Variants in HM13 observed in about 807,000 individuals in gnomAD.
HM13 encodes the protein signal peptide peptidase.
Under a neutral mutation model 50.0 loss-of-function variants are expected in HM13, and 18 were observed. That is an observed-to-expected ratio of 0.36 (90% CI 0.25 to 0.53). The LOEUF is 0.53. Among genes scored for constraint, HM13 ranks in the 20% least tolerant of loss-of-function variants. HM13 has a pLI of 0.90. For missense variants in HM13, 393 were observed against 552.4 expected, an observed-to-expected ratio of 0.71 and a Z score of 2.89; for synonymous variants, 197 against 232.6, an observed-to-expected ratio of 0.85 and a Z score of 1.39.
At chr20:31,552,365 G>A (rs1984078576) in intron 7 of HM13, among the ~76,000 whole-genome samples, 2 of 152,180 alleles carry the variant, frequency 1.3e-5, no homozygotes, top group South Asian at 2.1e-4. Context: ...CTGAGTTCAG[G>A]GAAAAGAGGC....
At chr20:31,546,140 C>G (rs371673996) in intron 4 of HM13, among the ~76,000 whole-genome samples, 2 of 151,368 alleles carry the variant, frequency 1.3e-5, no homozygotes, top group African/African-American at 4.9e-5. Flanking sequence ...AGCTCCACCC[C>G]CTGGGTTCAC....
Position 31,561,733 on chromosome 20 carries a change from T to C in HM13, c.945T>C (p.Ala315=), listed in dbSNP as rs1260365152. The C allele has an allele frequency of 6.2e-7, 1 of 1,602,460 alleles. No individual in the cohort carries two copies. Among genetic ancestry groups the C allele is most frequent in the Non-Finnish European group, 8.6e-7 (1 of 1,169,334 alleles). ...TCATCATGCACATCTTCAAGCATGC[T>C]CAGGTGGGCAGGACGGTATCAGAGT... ...TIFIMHIFKH[A]QPALLYLVPA... Residue 315 remains alanine (A), a synonymous_variant, in exon 10 of 13, where the codon GCT becomes GCC. Coordinates refer to ENST00000398174, the MANE Select transcript of HM13 (RefSeq NM_178581.3).
chr20:31,564,868 AAAAG>A (rs1337350942), intron 10 of HM13, among the ~76,000 whole-genome samples: 1 of 149,120 alleles, frequency 6.7e-6, no homozygotes, highest in Non-Finnish European at 1.5e-5. Context: ...AAAAAAAAAG[AAAAG>A]AAAAGAAACT....
chr20:31,561,841 C>T, intron 10 of HM13, 105 bp downstream of exon 10: 1 of 782,574 alleles, frequency 1.3e-6, no homozygotes. Flanking sequence ...AGGCACTCCC[C>T]ACTGGTGTTG....
chr20:31,518,380 C>T (rs1375452392), intron 1 of HM13, among the ~76,000 whole-genome samples: 1 of 149,492 alleles, frequency 6.7e-6, no homozygotes, highest in Non-Finnish European at 1.5e-5. Flanking sequence ...CACAGTGGCT[C>T]ATGCCTGTAA....
chr20:31,557,703 C>CTTTTTTTTTTTTT (rs1180267680), intron 8 of HM13, among the ~76,000 whole-genome samples: 2 of 80,906 alleles, frequency 2.5e-5, no homozygotes, highest in African/African-American at 1.1e-4. Context: ...GGCAGTGCTT[C>CTTTTTTTTTTTTT]TTTTTTTTTT....
chr20:31,541,307 C>T (rs1983437542), intron 3 of HM13: 1 of 151,870 alleles, frequency 6.6e-6, no homozygotes, highest in African/African-American at 2.4e-5. Context: ...ATGTTGAGAC[C>T]CTGTCTCCAC....
At chr20:31,554,943 C>A in intron 8 of HM13, 114 bp downstream of exon 8, 3 of 919,312 alleles carry the variant, frequency 3.3e-6, no homozygotes, top group South Asian at 1.4e-5. Flanking sequence ...AAAGGTAAGG[C>A]TGGATCAGGC....
chr20:31,531,959 T>C (rs1417705624), intron 2 of HM13, among the ~76,000 whole-genome samples: 1 of 151,946 alleles, frequency 6.6e-6, no homozygotes, highest in Non-Finnish European at 1.5e-5. Flanking sequence ...ACCCTGACAA[T>C]AAAAGCAGAA....
At chr20:31,552,715 G>A (rs1984093214) in intron 7 of HM13, among the ~76,000 whole-genome samples, 1 of 152,154 alleles carries the variant, frequency 6.6e-6, no homozygotes, top group South Asian at 2.1e-4. Context: ...ACTGTAAAAT[G>A]GTGACAATAG....
At chr20:31,543,567 G>A (rs768026157) in intron 3 of HM13, among the ~76,000 whole-genome samples, 4 of 151,968 alleles carry the variant, frequency 2.6e-5, no homozygotes, top group Non-Finnish European at 4.4e-5. Flanking sequence ...GATTACAGGC[G>A]TGAGCCACTG....
chr20:31,538,345 A>G (rs368766161), intron 3 of HM13, 84 bp downstream of exon 3: 1 of 1,611,164 alleles, frequency 6.2e-7, no homozygotes, highest in Non-Finnish European at 8.5e-7. Flanking sequence ...GACTTTTGGC[A>G]TCATTCAGAG....
At position 31,549,286 on chromosome 20, in the gene HM13, C is replaced by G. The variant is rs774194026; in HGVS notation, c.620C>G (p.Thr207Ser). ...VELLHLNNVS[T>S]GCILLGGLFI... ...CTCCTGCACCTCAACAATGTCAGCA[C>G]TGGCTGCATCCTGCTGGGCGGACTC... The change falls in exon 6 of 13, where the codon ACT (threonine) becomes AGT (serine). Residue 207 changes from threonine (T) to serine (S), a missense_variant. By Grantham distance (58) the Thr-to-Ser change is moderately conservative (BLOSUM62 1). This residue lies in a region of HM13 where 214 missense variants were observed against 276.1 expected (regional missense o/e 0.77). Transcript: ENST00000398174. The G allele has an allele frequency of 3.1e-6, 5 of 1,614,234 alleles. No homozygotes were observed. Among genetic ancestry groups the G allele is most frequent in the Non-Finnish European group, 4.2e-6 (5 of 1,180,046 alleles).
At chr20:31,551,215 A>G (rs1047166706) in intron 7 of HM13, among the ~76,000 whole-genome samples, 1 of 152,272 alleles carries the variant, frequency 6.6e-6, no homozygotes, top group Admixed American at 6.5e-5. Flanking sequence ...AAATTTTGTC[A>G]TCTCACACTA....
intron 3 of HM13, 147 bp downstream of exon 3, chr20:31,538,408 G>A (rs1215684104): frequency 3.3e-6 from 5 of 1,504,470 alleles, no homozygotes; most frequent in East Asian, 2.4e-5. Context: ...CCTGCACACT[G>A]TAGATGACTA....
intron 11 of HM13, 45 bp from the exon 12 acceptor site, chr20:31,568,033 C>A: frequency 6.7e-7 from 1 of 1,499,692 alleles, no homozygotes. Flanking sequence ...TTAGTCTTTC[C>A]CTATCCATCT....
intron 8 of HM13, among the ~76,000 whole-genome samples, chr20:31,559,110 G>T (rs1600665709): frequency 6.6e-6 from 1 of 152,190 alleles, no homozygotes; most frequent in Non-Finnish European, 1.5e-5. Context: ...GTGAGACGAG[G>T]TTTCGCCATG....
chr20:31,546,044 C>CT (rs35862306), intron 4 of HM13, among the ~76,000 whole-genome samples: 2,074 of 103,130 alleles, frequency 0.02, 77 homozygotes, highest in Admixed American at 0.053. Flanking sequence ...AAATCTAGCA[C>CT]TTTTTTTTTT....
chr20:31,536,362 T>G (rs1035213374), intron 2 of HM13, among the ~76,000 whole-genome samples: 1 of 151,822 alleles, frequency 6.6e-6, no homozygotes, highest in African/African-American at 2.4e-5. Context: ...AAACTCCATC[T>G]CGGGGAGGGT....
Sources: gnomAD v4.1 joint callset for allele counts (sites outside exome capture counted in the v4.1 genomes callset) on GRCh38, gnomAD v4.1.1 for gene constraint, gnomAD v4.1.1 regional missense constraint, MANE v1.5 for transcripts, NCBI Gene and HGNC (gene_info 2026-07-23, HGNC 2026-07-21) for gene names.